NAV2: variants seen among roughly 807,000 people sequenced by gnomAD.
The protein encoded by NAV2 is neuron navigator 2.
In NAV2, 54 loss-of-function variants were observed where a neutral mutation model predicts 223.2. The ratio of observed to expected loss-of-function variants is 0.24; its 90% CI spans 0.19 to 0.30. The LOEUF is 0.30. NAV2 is among the 10% of genes least tolerant of loss of function. The probability of loss-of-function intolerance (pLI) is 1.00; values close to 1 mark genes in which losing one functional copy is unlikely to be tolerated. For synonymous variants in NAV2, 1,279 were observed against 1,239.3 expected, an observed-to-expected ratio of 1.03 and a Z score of -0.67; for missense variants, 2,806 against 3,147.5, an observed-to-expected ratio of 0.89 and a Z score of 2.60.
At chr11:20,078,845 A>G (rs2059921095) in intron 24 of NAV2, among the ~76,000 whole-genome samples, 1 of 152,206 alleles carries the variant, frequency 6.6e-6, no homozygotes, top group Non-Finnish European at 1.5e-5. Context: ...TATAACAATA[A>G]TATTAACAGT....
Position 19,959,937 on chromosome 11 carries a change from T to C in NAV2, c.2645+10857T>C, listed in dbSNP as rs113467266. Reference sequence around the variant, plus strand: ...CTCCTGCCCTTCCGGGGCTCTTCACTGGCAAGCAGCATCAACAAAACACAG... The same window carrying C: ...CTCCTGCCCTTCCGGGGCTCTTCACCGGCAAGCAGCATCAACAAAACACAG... On this transcript the variant is annotated intron_variant, in intron 10 of 37. Coordinates refer to ENST00000349880, the MANE Select transcript of NAV2 (RefSeq NM_145117.5). Among the ~76,000 whole-genome samples, 19 of 152,324 alleles carry C rather than the reference T, an allele frequency of 1.2e-4. 1 individual carries two copies. Among genetic ancestry groups the C allele is most frequent in the African/African-American group, 4.3e-4 (18 of 41,586 alleles).
chr11:20,027,968 T>C lies in NAV2; in HGVS notation c.2769-7991T>C, dbSNP rs143217412. ...CTTTTTTGCTTCATGAGAGATGAAA[T>C]TGTAAATATCATATCACATTAATTC... is the stretch of plus-strand genomic sequence containing the variant. On this transcript the variant is annotated intron_variant, in intron 11 of 37. Coordinates refer to ENST00000349880, the MANE Select transcript of NAV2 (RefSeq NM_145117.5). Among the ~76,000 whole-genome samples, 1,133 of 152,340 alleles carry C rather than the reference T, an allele frequency of 7.4e-3. 16 individuals are homozygous for C. Among genetic ancestry groups the C allele is most frequent in the African/African-American group, 0.026 (1,075 of 41,578 alleles).
At chr11:19,854,327 C>G (rs2061310011) in intron 3 of NAV2, among the ~76,000 whole-genome samples, 1 of 152,142 alleles carries the variant, frequency 6.6e-6, no homozygotes, top group Non-Finnish European at 1.5e-5. Flanking sequence ...GGAAACTGGT[C>G]AGGTCAGTGG....
At chr11:19,782,076 T>G (rs1404785431) in intron 1 of NAV2, among the ~76,000 whole-genome samples, 1 of 152,230 alleles carries the variant, frequency 6.6e-6, no homozygotes, top group Non-Finnish European at 1.5e-5. Context: ...TTCCACTAAT[T>G]GTAACTGGCA....
At chr11:19,759,249 A>AT (rs944394024) in intron 1 of NAV2, among the ~76,000 whole-genome samples, 16 of 151,958 alleles carry the variant, frequency 1.1e-4, no homozygotes, top group East Asian at 1.9e-4. Context: ...TGCCCGGCTA[A>AT]TTTTTTTGTA....
At chr11:19,442,949 A>G (rs527238485) in intron 1 of NAV2, among the ~76,000 whole-genome samples, 1 of 152,216 alleles carries the variant, frequency 6.6e-6, no homozygotes, top group South Asian at 2.1e-4. Flanking sequence ...TTAGGATAAG[A>G]TCTGAGATGC....
chr11:19,809,744 T>C (rs1263135709), intron 1 of NAV2, among the ~76,000 whole-genome samples: 1 of 152,244 alleles, frequency 6.6e-6, no homozygotes, highest in African/African-American at 2.4e-5. Flanking sequence ...CTAATGGTTT[T>C]GAAAAGTTAT....
At chr11:19,585,855 G>A (rs919849789) in intron 1 of NAV2, among the ~76,000 whole-genome samples, 5 of 152,124 alleles carry the variant, frequency 3.3e-5, no homozygotes, top group African/African-American at 1.2e-4. Flanking sequence ...ACAATTATGT[G>A]TCTTGGGGTT....
intron 1 of NAV2, among the ~76,000 whole-genome samples, chr11:19,512,067 TTTGCA>T (rs1249402009): frequency 2.0e-5 from 3 of 152,204 alleles, no homozygotes; most frequent in African/African-American, 7.2e-5. Context: ...TTGACATTGC[TTTGCA>T]TGGACAGGTT....
chr11:19,468,881 A>G (rs1031514254), intron 1 of NAV2, among the ~76,000 whole-genome samples: 4 of 152,206 alleles, frequency 2.6e-5, no homozygotes. Flanking sequence ...CATGAAATAT[A>G]GATCAAATAA....
intron 37 of NAV2, among the ~76,000 whole-genome samples, chr11:20,116,596 T>TA (rs2063113320): frequency 6.6e-6 from 1 of 152,192 alleles, no homozygotes; most frequent in African/African-American, 2.4e-5. Context: ...AGCCCATCCC[T>TA]AAACAATCTT....
intron 19 of NAV2, among the ~76,000 whole-genome samples, chr11:20,058,959 C>A (rs565266480): frequency 3.3e-5 from 5 of 152,090 alleles, no homozygotes; most frequent in African/African-American, 1.2e-4. Flanking sequence ...TTTTAATGGC[C>A]AAATTGAGGC....
intron 6 of NAV2, among the ~76,000 whole-genome samples, chr11:19,931,382 G>GTCTGCTTTGGA (rs2045322854): frequency 6.6e-6 from 1 of 152,162 alleles, no homozygotes; most frequent in Non-Finnish European, 1.5e-5. Context: ...ACATTGGGAG[G>GTCTGCTTTGGA]TCTGCTTTGG....
chr11:19,998,121 A>AT lies in NAV2; in HGVS notation c.2768+13878dup, dbSNP rs35940351. 0.092 allele frequency among the ~76,000 whole-genome samples: 14,014 copies of AT among 152,164 alleles called. 795 individuals are homozygous for AT. The highest frequency in any genetic ancestry group is 0.22 in the South Asian group (1,039 of 4,798). ...ATATACAGTAGGAGACGTTTGCTAT[A>AT]TTTTAGGTAATTAATATTATCCTAA... On this transcript the variant is annotated intron_variant, in intron 11 of 37. Coordinates refer to ENST00000349880, the MANE Select transcript of NAV2 (RefSeq NM_145117.5). This position sits in a 1 kb window ranked among gnomAD's most constrained non-coding sequence, Gnocchi z 5.0.
intron 1 of NAV2, among the ~76,000 whole-genome samples, chr11:19,436,614 A>C (rs1851225928): frequency 6.6e-6 from 1 of 152,190 alleles, no homozygotes; most frequent in South Asian, 2.1e-4. Context: ...ATTTCTGTGA[A>C]AAATGACATT....
At chr11:19,932,154 G>A (rs536448937) in intron 6 of NAV2, among the ~76,000 whole-genome samples, 26 of 138,820 alleles carry the variant, frequency 1.9e-4, no homozygotes, top group African/African-American at 5.3e-4. Context: ...CTCACTGAGC[G>A]CCAAGGGGAA....
intron 1 of NAV2, among the ~76,000 whole-genome samples, chr11:19,535,880 T>A (rs1391204593): frequency 6.6e-6 from 1 of 152,112 alleles, no homozygotes; most frequent in Non-Finnish European, 1.5e-5. Flanking sequence ...ACCTTCTGGG[T>A]GTAGATCTTT....
chr11:19,612,411 TAGTC>T (rs1330341417), intron 1 of NAV2, among the ~76,000 whole-genome samples: 3 of 152,222 alleles, frequency 2.0e-5, no homozygotes, highest in Admixed American at 6.5e-5. Flanking sequence ...TTCTATCACA[TAGTC>T]AGGCTGCAAA....
chr11:19,830,029 A>G (rs774227224), intron 1 of NAV2, among the ~76,000 whole-genome samples: 2 of 152,190 alleles, frequency 1.3e-5, no homozygotes, highest in African/African-American at 2.4e-5. Flanking sequence ...ATTAGAGACC[A>G]GCCTGGCCAA....
Sources: gnomAD v4.1 joint callset for allele counts (sites outside exome capture counted in the v4.1 genomes callset) on GRCh38, gnomAD v4.1.1 for gene constraint, Gnocchi (gnomAD v3.1) non-coding constraint, MANE v1.5 for transcripts, NCBI Gene and HGNC (gene_info 2026-07-23, HGNC 2026-07-21) for gene names.